The following MALT1 variants were observed in gnomAD, a reference collection of about 807,000 sequenced individuals.
MALT1 encodes the protein mucosa-associated lymphoid tissue lymphoma translocation protein 1.
A neutral mutation model predicts 85.5 loss-of-function variants in MALT1; 36 were observed. That is an observed-to-expected ratio of 0.42 (90% CI 0.32 to 0.56). The LOEUF (loss-of-function observed/expected upper bound fraction) is 0.56, where lower values mean the gene tolerates loss of function less well. Ranked by LOEUF, MALT1 falls within the 20% of genes least tolerant of loss-of-function variation. The pLI is 0.10. For missense variants in MALT1, 716 were observed against 981.6 expected, an observed-to-expected ratio of 0.73 and a Z score of 3.62; for synonymous variants, 359 against 361.3, an observed-to-expected ratio of 0.99 and a Z score of 0.07.
intron 13 of MALT1, among the ~76,000 whole-genome samples, chr18:58,738,603 C>T (rs997031524): frequency 2.0e-5 from 3 of 152,200 alleles, no homozygotes; most frequent in Non-Finnish European, 2.9e-5. Context: ...CTACACTTAA[C>T]CCTACTCCCC....
At position 58,733,589 on chromosome 18, in the gene MALT1, C is replaced by G. The variant is rs879068413; in HGVS notation, c.1400+15C>G. On this transcript the variant is annotated intron_variant, in intron 11 of 16. Coordinates refer to ENST00000649217, the MANE Select transcript of MALT1 (RefSeq NM_006785.4). Reference sequence around the variant, plus strand: ...TGTAGGAAAAGGTAAGTTTTCTAATCTTTATTAAAGAATTGTTGGAGTTAA... The same window carrying G: ...TGTAGGAAAAGGTAAGTTTTCTAATGTTTATTAAAGAATTGTTGGAGTTAA... 1 of 1,547,246 alleles carries G rather than the reference C, an allele frequency of 6.5e-7. No homozygotes were observed. Among genetic ancestry groups the G allele is most frequent in the Non-Finnish European group, 8.8e-7 (1 of 1,137,598 alleles).
chr18:58,727,626 T>TGG (rs1375645745), intron 10 of MALT1, among the ~76,000 whole-genome samples: 1 of 125,926 alleles, frequency 7.9e-6, no homozygotes, highest in Non-Finnish European at 1.8e-5. Context: ...GTTTTTTTTT[T>TGG]TGTTTTTTTT....
chr18:58,746,831 G>T (rs905801458), intron 16 of MALT1, among the ~76,000 whole-genome samples: 1 of 151,936 alleles, frequency 6.6e-6, no homozygotes, highest in Non-Finnish European at 1.5e-5. Context: ...AGACTCAAGT[G>T]ATTCTTGTGC....
chr18:58,725,535 A>G (rs984272549), intron 10 of MALT1, among the ~76,000 whole-genome samples: 3 of 152,208 alleles, frequency 2.0e-5, no homozygotes, highest in Non-Finnish European at 4.4e-5. Context: ...ATATTATACA[A>G]TTGATCTCAG....
At chr18:58,747,011 A>G (rs1382511305) in intron 16 of MALT1, among the ~76,000 whole-genome samples, 5 of 152,228 alleles carry the variant, frequency 3.3e-5, no homozygotes, top group Non-Finnish European at 7.3e-5. Flanking sequence ...TATAGGCGTG[A>G]GCCACCACGC....
chr18:58,733,470 T>C lies in MALT1; in HGVS notation c.1296T>C (p.Asn432=), dbSNP rs771402533. 3.7e-6 allele frequency: 6 copies of C among 1,613,514 alleles called. No individual in the cohort carries two copies. The highest frequency in any genetic ancestry group is 5.1e-6 in the Non-Finnish European group (6 of 1,179,546). The change falls in exon 11 of 17, where the codon AAT becomes AAC. Residue 432 remains asparagine (N), a synonymous_variant. Coordinates refer to ENST00000649217, the MANE Select transcript of MALT1 (RefSeq NM_006785.4). ...TCATGGTCCCCGTTGATGCTCCAAA[T>C]CCATATAGGTCTGAAAATTGTCTGT... is the stretch of plus-strand genomic sequence containing the variant. ...NSFMVPVDAP[N]PYRSENCLCV...
chr18:58,706,303 C>G (rs1454755682), intron 4 of MALT1, among the ~76,000 whole-genome samples: 1 of 152,126 alleles, frequency 6.6e-6, no homozygotes, highest in Admixed American at 6.5e-5. Flanking sequence ...ATAACAGGCT[C>G]TTACCACTGT....
At chr18:58,698,698 G>T (rs907404020) in intron 3 of MALT1, among the ~76,000 whole-genome samples, 2 of 152,352 alleles carry the variant, frequency 1.3e-5, no homozygotes, top group East Asian at 1.9e-4. Flanking sequence ...TTGTGTGCAT[G>T]CAAGAGCTTT....
Position 58,751,691 on chromosome 18 carries a change from C to T in MALT1, c.*3849C>T, listed in dbSNP as rs1021476899. 2 of 152,046 alleles carry T rather than the reference C, an allele frequency of 1.3e-5. No homozygotes were observed. The highest frequency in any genetic ancestry group is 2.9e-5 in the Non-Finnish European group (2 of 68,022). 9.4% of individuals were successfully genotyped at this position (152,046 alleles called of 1,614,324 possible). A position where few individuals can be genotyped will look rare whatever the true frequency, so the allele number is the denominator to read the frequency against. ...AAAGATGATAATCTATCAAATCTGT[C>T]AATACCAATTAGAATGTAATAAAGA... is the stretch of plus-strand genomic sequence containing the variant. On this transcript the variant is annotated 3_prime_UTR_variant, in exon 17 of 17. Transcript: ENST00000649217.
intron 13 of MALT1, 83 bp downstream of exon 13, chr18:58,735,412 T>C: frequency 2.8e-6 from 4 of 1,433,502 alleles, no homozygotes; most frequent in African/African-American, 1.4e-5. Context: ...TCTCTGGTGA[T>C]TGTTTTATTC....
chr18:58,673,072 T>C (rs1185216029), intron 1 of MALT1, among the ~76,000 whole-genome samples: 2 of 152,230 alleles, frequency 1.3e-5, no homozygotes, highest in Non-Finnish European at 2.9e-5. Context: ...AGATTTGTCT[T>C]ACAGTATAAT....
chr18:58,718,270 A>C (rs1415758321), intron 9 of MALT1, among the ~76,000 whole-genome samples: 1 of 152,218 alleles, frequency 6.6e-6, no homozygotes, highest in African/African-American at 2.4e-5. Context: ...TAACAAGATA[A>C]ATGGAATATC....
intron 13 of MALT1, among the ~76,000 whole-genome samples, chr18:58,737,775 G>A (rs2144473445): frequency 6.6e-6 from 1 of 152,168 alleles, no homozygotes; most frequent in South Asian, 2.1e-4. Context: ...TAGAGATAGG[G>A]TTTCGCCATG....
intron 7 of MALT1, among the ~76,000 whole-genome samples, 180 bp from the exon 8 acceptor site, chr18:58,713,903 A>C (rs1445650854): frequency 6.6e-6 from 1 of 152,230 alleles, no homozygotes; most frequent in Non-Finnish European, 1.5e-5. Context: ...TAAGCACAGC[A>C]ATATTCACTA....
At chr18:58,737,559 C>T (rs551300318) in intron 13 of MALT1, among the ~76,000 whole-genome samples, 87 of 151,438 alleles carry the variant, frequency 5.7e-4, no homozygotes, top group African/African-American at 2.0e-3. Flanking sequence ...GGAAAATAAA[C>T]ATGTTACCAA....
chr18:58,672,829 C>T (rs1442805926), intron 1 of MALT1: 1 of 152,092 alleles, frequency 6.6e-6, no homozygotes, highest in African/African-American at 2.4e-5. Context: ...TATTACAGGT[C>T]ACAGAACGCT....
intron 14 of MALT1, among the ~76,000 whole-genome samples, chr18:58,742,277 G>C (rs1568155975): frequency 6.6e-6 from 1 of 152,018 alleles, no homozygotes; most frequent in Non-Finnish European, 1.5e-5. Flanking sequence ...TTTAAAATAG[G>C]TTAAGTTTCC....
chr18:58,697,381 C>T (rs551982398), intron 3 of MALT1: 1 of 152,230 alleles, frequency 6.6e-6, no homozygotes, highest in South Asian at 2.1e-4. Context: ...AGAGGTAAGA[C>T]AGAGCAACTG....
rs1181072230 is a variant in MALT1 at position 58,723,037 on chromosome 18, T to A, written c.1019-11T>A. The A allele has an allele frequency of 1.3e-5, 21 of 1,609,978 alleles. No homozygotes were observed. Among genetic ancestry groups the A allele is most frequent in the Non-Finnish European group, 1.4e-5 (17 of 1,177,450 alleles). On this transcript the variant is annotated splice_polypyrimidine_tract_variant and intron_variant, in intron 9 of 16. Coordinates refer to ENST00000649217, the MANE Select transcript of MALT1 (RefSeq NM_006785.4). ...TCTTCTTTAAACACCCCCTTTCTTT[T>A]TTTTTCAAAGCGAAGGACAAGGTTG...
Sources: gnomAD v4.1 joint callset for allele counts (sites outside exome capture counted in the v4.1 genomes callset) on GRCh38, gnomAD v4.1.1 for gene constraint, MANE v1.5 for transcripts, NCBI Gene and HGNC (gene_info 2026-07-23, HGNC 2026-07-21) for gene names.